The following GPR63 variants were observed in gnomAD, a reference collection of about 807,000 sequenced individuals.
GPR63 encodes the protein G protein-coupled receptor 63.
Under a neutral mutation model 23.1 loss-of-function variants are expected in GPR63, and 12 were observed. That is an observed-to-expected ratio of 0.52 (90% CI 0.33 to 0.84). The LOEUF (loss-of-function observed/expected upper bound fraction) is 0.84, where lower values mean the gene tolerates loss of function less well. Among genes scored for constraint, GPR63 ranks in the 40% least tolerant of loss-of-function variants. The pLI is 0.02. For missense variants in GPR63, 472 were observed against 515.6 expected (o/e 0.92, Z 0.82); for synonymous variants, 172 against 191.1 (o/e 0.90, Z 0.82).
rs559296402 is a variant in GPR63, at chr6:96,800,646, T to A, written c.-150-765A>T. On this transcript the variant is annotated intron_variant, in intron 1 of 1. Transcript: ENST00000229955. ...TGGTAATATTTTCAAAAGTTTTATTTTACTAAAGCTCTCTTTGCTTCTCAT... is the reference window on the plus strand; with the variant it reads ...TGGTAATATTTTCAAAAGTTTTATTATACTAAAGCTCTCTTTGCTTCTCAT... Among the ~76,000 whole-genome samples the A allele has an allele frequency of 1.7e-4, 26 of 152,320 alleles. No homozygotes were observed. In the East Asian group the frequency reaches 4.8e-3, roughly 28 times the overall value.
intron 1 of GPR63, among the ~76,000 whole-genome samples, chr6:96,802,773 G>A (rs1423568203): frequency 6.7e-6 from 1 of 149,338 alleles, no homozygotes; most frequent in Non-Finnish European, 1.5e-5. Flanking sequence ...GTTTTTTAAT[G>A]TTTTAAGGCA....
intron 1 of GPR63, among the ~76,000 whole-genome samples, chr6:96,825,791 TTA>T (rs918132601): frequency 1.1e-4 from 16 of 152,178 alleles, no homozygotes; most frequent in African/African-American, 3.9e-4. Flanking sequence ...GCTAATTACC[TTA>T]GTCTTTTTTT....
intron 1 of GPR63, among the ~76,000 whole-genome samples, chr6:96,835,907 C>T (rs6568629): frequency 0.28 from 42,655 of 151,966 alleles, 6,046 homozygotes; most frequent in South Asian, 0.31. Flanking sequence ...CAAAATTGTA[C>T]GTAACGCATA....
At chr6:96,836,938 G>A (rs1354985877) in intron 1 of GPR63, among the ~76,000 whole-genome samples, 1 of 152,002 alleles carries the variant, frequency 6.6e-6, no homozygotes, top group Non-Finnish European at 1.5e-5. Context: ...AGCCGGCATG[G>A]GGTGCCCCTC....
At chr6:96,836,692 T>A (rs144398272) in intron 1 of GPR63, among the ~76,000 whole-genome samples, 1 of 151,950 alleles carries the variant, frequency 6.6e-6, no homozygotes, top group Non-Finnish European at 1.5e-5. Flanking sequence ...AAGACTGAAA[T>A]CAGGGCGACG....
At chr6:96,831,434 CA>C (rs74893582) in intron 1 of GPR63, among the ~76,000 whole-genome samples, 179 of 105,802 alleles carry the variant, frequency 1.7e-3, no homozygotes, top group Middle Eastern at 5.3e-3. Context: ...TTACACTTAC[CA>C]AAAAAAAAAA....
chr6:96,825,210 G>T (rs1774409974), intron 1 of GPR63, among the ~76,000 whole-genome samples: 1 of 152,046 alleles, frequency 6.6e-6, no homozygotes, highest in South Asian at 2.1e-4. Context: ...TTCAATTAGG[G>T]CGGGAACCAC....
chr6:96,817,991 CT>C (rs1774206203), intron 1 of GPR63, among the ~76,000 whole-genome samples: 2 of 151,454 alleles, frequency 1.3e-5, no homozygotes, highest in African/African-American at 4.9e-5. Flanking sequence ...AGAAATTTTA[CT>C]TCTCAGGATC....
intron 1 of GPR63, among the ~76,000 whole-genome samples, chr6:96,809,804 G>C (rs78937522): frequency 0.093 from 14,084 of 152,178 alleles, 828 homozygotes; most frequent in Non-Finnish European, 0.13. Flanking sequence ...AAGATGTTCA[G>C]GCAAGTCAGT....
At chr6:96,809,749 GA>G (rs1562118008) in intron 1 of GPR63, among the ~76,000 whole-genome samples, 1 of 152,140 alleles carries the variant, frequency 6.6e-6, no homozygotes, top group South Asian at 2.1e-4. Context: ...CGAAAGTAGA[GA>G]AAAAATATCT....
At chr6:96,819,989 AAAAC>A (rs1479086594) in intron 1 of GPR63, among the ~76,000 whole-genome samples, 5 of 149,772 alleles carry the variant, frequency 3.3e-5, no homozygotes, top group African/African-American at 4.9e-5. Context: ...AAAAAAAAAA[AAAAC>A]AAACAACAAC....
chr6:96,822,781 T>C (rs893689356), intron 1 of GPR63, among the ~76,000 whole-genome samples: 4 of 152,196 alleles, frequency 2.6e-5, no homozygotes, highest in African/African-American at 9.6e-5. Flanking sequence ...ACATGGTAAC[T>C]ACTGGGTTAT....
intron 1 of GPR63, among the ~76,000 whole-genome samples, chr6:96,801,387 C>T (rs1162602695): frequency 9.9e-5 from 15 of 151,990 alleles, no homozygotes; most frequent in African/African-American, 2.2e-4. Context: ...TTAGTAGAGA[C>T]GGGGTTTCTC....
chr6:96,805,784 A>G (rs1773880945), intron 1 of GPR63, among the ~76,000 whole-genome samples: 1 of 152,212 alleles, frequency 6.6e-6, no homozygotes, highest in South Asian at 2.1e-4. Context: ...TCCTGCAGAG[A>G]TTGCAAAGAT....
Position 96,799,027 on chromosome 6 carries a change from G to T in GPR63, c.705C>A (p.Thr235=). 1.2e-6 allele frequency: 2 copies of T among 1,614,140 alleles called. No individual in the cohort carries two copies. Among genetic ancestry groups the T allele is most frequent in the Non-Finnish European group, 8.5e-7 (1 of 1,180,020 alleles). The change falls in exon 2 of 2, where the codon ACC becomes ACA. Residue 235 remains threonine, a synonymous_variant. Coordinates refer to ENST00000229955, the MANE Select transcript of GPR63 (RefSeq NM_030784.4). ...TCACATAAGCCTGGTAGCCTGGATT[G>T]GTTGTGTACCCAAACACACACTGGG... The part of the protein sequence containing the change: ...RAPQCVFGYT[T]NPGYQAYVIL...
intron 1 of GPR63, among the ~76,000 whole-genome samples, chr6:96,820,247 T>C (rs1010579304): frequency 6.6e-5 from 10 of 152,192 alleles, no homozygotes; most frequent in Non-Finnish European, 1.2e-4. Context: ...CTCCGGCCTA[T>C]CTCATCATGC....
chr6:96,814,485 A>G (rs1774114889), intron 1 of GPR63, among the ~76,000 whole-genome samples: 1 of 152,138 alleles, frequency 6.6e-6, no homozygotes, highest in African/African-American at 2.4e-5. Context: ...TATGTTCCCC[A>G]TTTTCAAGAG....
chr6:96,806,272 T>C (rs1016663779), intron 1 of GPR63, among the ~76,000 whole-genome samples: 2 of 152,188 alleles, frequency 1.3e-5, no homozygotes, highest in Admixed American at 6.5e-5. Context: ...GGGGTCTTAG[T>C]AGTATTTCAA....
chr6:96,795,979 A>C lies in GPR63; in HGVS notation c.*2493T>G, dbSNP rs1361896926. Reference sequence around the variant, plus strand: ...TTAGAAATGAAAGAGGTAGGTGACTATCATTTGAAGATAATCCCAAAACAA... The same window carrying C: ...TTAGAAATGAAAGAGGTAGGTGACTCTCATTTGAAGATAATCCCAAAACAA... On this transcript the variant is annotated 3_prime_UTR_variant, in exon 2 of 2. Transcript: ENST00000229955. 1 of 152,208 alleles carries C rather than the reference A, an allele frequency of 6.6e-6. No individual in the cohort carries two copies. The highest frequency in any genetic ancestry group is 6.5e-5 in the Admixed American group (1 of 15,280). The allele number at this position is 152,208 out of a possible 1,614,324, so 9.4% of individuals were successfully genotyped here.
Sources: allele counts gnomAD v4.1 joint callset (sites outside exome capture counted in the v4.1 genomes callset), GRCh38; gene constraint gnomAD v4.1.1; transcripts MANE v1.5; gene names NCBI Gene and HGNC (gene_info 2026-07-23, HGNC 2026-07-21).